Variants in GPR18 observed in about 807,000 individuals in gnomAD.
GPR18 encodes N-arachidonyl glycine receptor.
GPR18 carries 20 observed loss-of-function variants against 22.8 expected under a neutral mutation model. That is an observed-to-expected ratio of 0.88 (90% CI 0.62 to 1.28). The LOEUF (loss-of-function observed/expected upper bound fraction) is 1.28. Ranked by LOEUF, GPR18 falls within the 50% of genes most tolerant of loss-of-function variation. GPR18 has a pLI of 0.00. For synonymous variants in GPR18, 160 were observed against 155.3 expected (o/e 1.03, Z -0.22); for missense variants, 379 against 412.0 (o/e 0.92, Z 0.69).
chr13:99,255,412 G>C lies in GPR18; in HGVS notation c.461C>G (p.Thr154Ser), dbSNP rs776554722. The C allele has an allele frequency of 6.2e-7, 1 of 1,613,990 alleles. No individual in the cohort carries two copies. The highest frequency in any genetic ancestry group is 8.5e-7 in the Non-Finnish European group (1 of 1,180,030). Residue 154 changes from threonine (T) to serine (S), a missense_variant, in exon 2 of 2, where the codon ACC becomes AGC. Coordinates refer to ENST00000397470, the MANE Select transcript of GPR18 (RefSeq NM_001098200.2). Reference protein sequence around the residue: ...GVWIMTLTTTTPLLLLYKDPD... With the variant: ...GVWIMTLTTTSPLLLLYKDPD... Reference sequence around the variant, plus strand: ...GTCTTTATAGAGCAGTAGCAGAGGGGTGGTCGTGGTCAGGGTCATTATCCA... The same window carrying C: ...GTCTTTATAGAGCAGTAGCAGAGGGCTGGTCGTGGTCAGGGTCATTATCCA...
At position 99,255,732 on chromosome 13, in the gene GPR18, G is replaced by A. The variant is rs1431175942; in HGVS notation, c.141C>T (p.Phe47=). ...TGGTTCTCTTCTTGGTGGTACAACT[G>A]AAAACCCATAATGCAGTGATGTTAA... ...LFVNITALWV[F]SCTTKKRTTV... Residue 47 remains phenylalanine (F), a synonymous_variant, in exon 2 of 2, where the codon TTC becomes TTT. Transcript: ENST00000397470. The A allele has an allele frequency of 6.2e-7, 1 of 1,613,862 alleles. No individual in the cohort carries two copies. Among genetic ancestry groups the A allele is most frequent in the Non-Finnish European group, 8.5e-7 (1 of 1,179,986 alleles).
At chr13:99,257,725 T>C (rs2043590368) in intron 1 of GPR18, among the ~76,000 whole-genome samples, 1 of 152,200 alleles carries the variant, frequency 6.6e-6, no homozygotes, top group Non-Finnish European at 1.5e-5. Flanking sequence ...CATTAAGTTA[T>C]TTCATGAAAC....
chr13:99,257,331 C>T (rs192021741), intron 1 of GPR18, among the ~76,000 whole-genome samples: 17 of 152,218 alleles, frequency 1.1e-4, no homozygotes, highest in African/African-American at 4.1e-4. Flanking sequence ...AACTGGAATG[C>T]ATTCTTATTA....
chr13:99,257,143 T>G (rs1443869532), intron 1 of GPR18, among the ~76,000 whole-genome samples: 1 of 152,094 alleles, frequency 6.6e-6, no homozygotes, highest in East Asian at 1.9e-4. Flanking sequence ...TCTCAAATAT[T>G]TAGGTTAAAT....
At chr13:99,257,546 G>A (rs781302246) in intron 1 of GPR18, among the ~76,000 whole-genome samples, 31 of 151,886 alleles carry the variant, frequency 2.0e-4, no homozygotes, top group East Asian at 3.9e-4. Flanking sequence ...ATTTGCTGAC[G>A]TTTGAAAAAA....
chr13:99,257,820 T>A (rs2043592594), intron 1 of GPR18, among the ~76,000 whole-genome samples: 1 of 152,156 alleles, frequency 6.6e-6, no homozygotes, highest in African/African-American at 2.4e-5. Flanking sequence ...TTGAAAAAAA[T>A]TACATTTAGT....
At position 99,255,441 on chromosome 13, in the gene GPR18, TCC is replaced by T. The variant is rs2043532714; in HGVS notation, c.430_431del (p.Gly144SerfsTer17). 1.2e-6 allele frequency: 2 copies of T among 1,613,880 alleles called. No homozygotes were observed. Among genetic ancestry groups the T allele is most frequent in the South Asian group, 1.1e-5 (1 of 91,072 alleles). On this transcript the variant is annotated frameshift_variant, in exon 2 of 2. Transcript: ENST00000397470. LOFTEE classifies it high-confidence loss of function. ...NTCKAVLACV[G>X]VWIMTLTTTT... ...TCGTGGTCAGGGTCATTATCCAGAC[TCC>T]CACACACGCCAGCACGGCTTTGCAC...
intron 1 of GPR18, 82 bp from the exon 2 acceptor site, chr13:99,255,988 G>A: frequency 5.1e-6 from 5 of 972,878 alleles, no homozygotes; most frequent in Non-Finnish European, 7.5e-6. Flanking sequence ...CAGCTTGACT[G>A]CCAGTGAATT....
chr13:99,254,902 C>T lies in GPR18; in HGVS notation c.971G>A (p.Ser324Asn), dbSNP rs773252636. The T allele has an allele frequency of 6.2e-7, 1 of 1,613,436 alleles. No homozygotes were observed. Among genetic ancestry groups the T allele is most frequent in the South Asian group, 1.1e-5 (1 of 90,986 alleles). Reference sequence around the variant, plus strand: ...TCATAACATTTCACTGTTTATATTGCTTAGTGACCGTAGACTACCAGATCG... The same window carrying T: ...TCATAACATTTCACTGTTTATATTGTTTAGTGACCGTAGACTACCAGATCG... ...SFRSGSLRSL[S>N]NINSEML Residue 324 changes from serine (S) to asparagine (N), a missense_variant, in exon 2 of 2, where the codon AGC becomes AAC. Transcript: ENST00000397470.
In GPR18 at chr13:99,254,840, G is replaced by T. The variant is rs752017507; in HGVS notation, c.*37C>A. ...TTGACGCCAGAGTAGTTAGTGAAGT[G>T]AATTTTGATGGGATTGAAATGAAAG... On this transcript the variant is annotated 3_prime_UTR_variant, in exon 2 of 2. Coordinates refer to ENST00000397470, the MANE Select transcript of GPR18 (RefSeq NM_001098200.2). The T allele has an allele frequency of 6.5e-7, 1 of 1,539,494 alleles. No homozygotes were observed. The highest frequency in any genetic ancestry group is 8.8e-7 in the Non-Finnish European group (1 of 1,130,354).
Position 99,255,784 on chromosome 13 carries a change from C to G in GPR18, c.89G>C (p.Ser30Thr). 1.2e-6 allele frequency: 2 copies of G among 1,612,976 alleles called. No individual in the cohort carries two copies. The highest frequency in any genetic ancestry group is 1.7e-6 in the Non-Finnish European group (2 of 1,179,520). Reference protein sequence around the residue: ...EYKIAALVFYSCIFIIGLFVN... With the variant: ...EYKIAALVFYTCIFIIGLFVN... ...AAATAATCCAATTATGAAGATACAG[C>G]TATAGAAGACAAGGGCTGCAATTTT... The change falls in exon 2 of 2, where the codon AGC (serine) becomes ACC (threonine). Residue 30 changes from serine (S) to threonine (T), a missense_variant. By Grantham distance (58) the Ser-to-Thr change is moderately conservative. Transcript: ENST00000397470.
Position 99,255,576 on chromosome 13 carries a change from A to G in GPR18, c.297T>C (p.Ala99=). Residue 99 remains alanine (A), a synonymous_variant, in exon 2 of 2, where the codon GCT becomes GCC. Transcript: ENST00000397470. ...CAATGCTTGGGTAAAACACTGTGAGAGCTCCAAGAATCTGGCAGAAGTACT... is the reference window on the plus strand; with the variant it reads ...CAATGCTTGGGTAAAACACTGTGAGGGCTCCAAGAATCTGGCAGAAGTACT... ...FGEYFCQILG[A]LTVFYPSIAL... 1 of 1,614,200 alleles carries G rather than the reference A, an allele frequency of 6.2e-7. No individual in the cohort carries two copies. The highest frequency in any genetic ancestry group is 8.5e-7 in the Non-Finnish European group (1 of 1,180,016).
chr13:99,255,559 G>T lies in GPR18; in HGVS notation c.314C>A (p.Pro105Gln). 6.2e-7 allele frequency: 1 copy of T among 1,614,114 alleles called. No homozygotes were observed. ...GGCAAGAAGCCATAAAGCAATGCTT[G>T]GGTAAAACACTGTGAGAGCTCCAAG... is the stretch of plus-strand genomic sequence containing the variant. ...QILGALTVFYPSIALWLLAFI... is the reference protein window; with the variant it reads ...QILGALTVFYQSIALWLLAFI... The change falls in exon 2 of 2, where the codon CCA becomes CAA. Residue 105 changes from proline to glutamine, a missense_variant. Physicochemically the swap from Pro to Gln is moderately conservative, Grantham distance 76. Transcript: ENST00000397470.
chr13:99,255,158 C>T lies in GPR18; in HGVS notation c.715G>A (p.Val239Met), dbSNP rs1487589871. Residue 239 changes from valine to methionine, a missense_variant, in exon 2 of 2, where the codon GTG becomes ATG. Coordinates refer to ENST00000397470, the MANE Select transcript of GPR18 (RefSeq NM_001098200.2). ...KSIRIIITLL[V>M]QVLVCFMPFH... ...GGCATAAAGCAGACGAGCACCTGCA[C>T]CAGCAGCGTGATGATGATCCTTATG... The T allele has an allele frequency of 1.2e-6, 2 of 1,613,956 alleles. No homozygotes were observed. Among genetic ancestry groups the T allele is most frequent in the African/African-American group, 2.7e-5 (2 of 74,876 alleles).
chr13:99,255,821 G>A lies in GPR18; in HGVS notation c.52C>T (p.Pro18Ser). ...DQPVPFNSSHPDEYKIAALVF... is the reference protein window; with the variant it reads ...DQPVPFNSSHSDEYKIAALVF... ...AGGGCTGCAATTTTGTATTCATCTG[G>A]ATGTGAGCTGTTAAAAGGGACAGGT... is the stretch of plus-strand genomic sequence containing the variant. Residue 18 changes from proline to serine, a missense_variant, in exon 2 of 2, where the codon CCA (proline) becomes TCA (serine). Physicochemically the swap from Pro to Ser is moderately conservative, Grantham distance 74. Transcript: ENST00000397470. The A allele has an allele frequency of 5.0e-6, 8 of 1,606,358 alleles. No homozygotes were observed. Among genetic ancestry groups the A allele is most frequent in the Non-Finnish European group, 5.1e-6 (6 of 1,176,452 alleles).
intron 1 of GPR18, chr13:99,256,272 T>C (rs1037762304): frequency 1.3e-5 from 2 of 157,270 alleles, no homozygotes; most frequent in African/African-American, 4.8e-5. Context: ...CTTGTGTAGC[T>C]GGCTATTAAA....
rs767809276 is a variant in GPR18, at chr13:99,255,743, A to T, written c.130T>A (p.Leu44Ile). 6.2e-7 allele frequency: 1 copy of T among 1,614,066 alleles called. No homozygotes were observed. Among genetic ancestry groups the T allele is most frequent in the Non-Finnish European group, 8.5e-7 (1 of 1,179,996 alleles). The change falls in exon 2 of 2, where the codon TTA becomes ATA. Residue 44 changes from leucine (L) to isoleucine (I), a missense_variant. Coordinates refer to ENST00000397470, the MANE Select transcript of GPR18 (RefSeq NM_001098200.2). ...TTGGTGGTACAACTGAAAACCCATA[A>T]TGCAGTGATGTTAACAAATAATCCA... ...IIGLFVNITA[L>I]WVFSCTTKKR...
intron 1 of GPR18, among the ~76,000 whole-genome samples, chr13:99,257,935 TA>T (rs1417453514): frequency 2.0e-5 from 3 of 152,230 alleles, no homozygotes; most frequent in South Asian, 2.1e-4. Flanking sequence ...TTGTTATGTT[TA>T]TTTTTTTAAT....
chr13:99,256,601 A>G (rs1206548624), intron 1 of GPR18: 1 of 152,174 alleles, frequency 6.6e-6, no homozygotes, highest in African/African-American at 2.4e-5. Flanking sequence ...TTTAAATTTT[A>G]ACAATTTTCA....
Sources: allele counts gnomAD v4.1 joint callset (sites outside exome capture counted in the v4.1 genomes callset), GRCh38; gene constraint gnomAD v4.1.1; transcripts MANE v1.5; gene names NCBI Gene and HGNC (gene_info 2026-07-23, HGNC 2026-07-21).